COL4A5: variants seen among roughly 807,000 people sequenced by gnomAD.
The protein encoded by COL4A5 is collagen type IV alpha 5 chain.
In COL4A5, 26 loss-of-function variants were observed where a neutral mutation model predicts 130.2. The observed-to-expected ratio is 0.20, with a 90% CI of 0.15 to 0.28. COL4A5 has a LOEUF of 0.28. Among genes scored for constraint, COL4A5 ranks in the 10% least tolerant of loss-of-function variants. The pLI is 1.00. For synonymous variants in COL4A5, 496 were observed against 439.6 expected (o/e 1.13, Z -1.60); for missense variants, 1,131 against 1,344.3 (o/e 0.84, Z 2.48).
chrX:108,565,028 T>A (rs964559689), intron 4 of COL4A5, among the ~76,000 whole-genome samples: 2 of 111,507 alleles, frequency 1.8e-5, no homozygotes, highest in Non-Finnish European at 3.8e-5. Flanking sequence ...AAGCTCTTTA[T>A]AATAATAAAA....
At chrX:108,469,052 T>C (rs2064737606) in intron 1 of COL4A5, among the ~76,000 whole-genome samples, 2 of 111,130 alleles carry the variant, frequency 1.8e-5, no homozygotes, top group South Asian at 7.5e-4. Flanking sequence ...TTTCAGATTT[T>C]CTATTTTTTC....
intron 1 of COL4A5, among the ~76,000 whole-genome samples, chrX:108,531,850 A>G (rs2065389940): frequency 8.9e-6 from 1 of 112,079 alleles, no homozygotes; most frequent in Non-Finnish European, 1.9e-5. Flanking sequence ...AAATGGATAA[A>G]TTCCTGGAAA....
intron 24 of COL4A5, 100 bp downstream of exon 24, chrX:108,597,668 C>A (rs2066545222): frequency 1.3e-6 from 1 of 747,158 alleles, no homozygotes; most frequent in Admixed American, 2.6e-5. Flanking sequence ...GAGATAAACA[C>A]CCAATCAATG....
At chrX:108,555,561 A>G (rs2065813322) in intron 2 of COL4A5, among the ~76,000 whole-genome samples, 1 of 111,979 alleles carries the variant, frequency 8.9e-6, no homozygotes, top group African/African-American at 3.2e-5. Context: ...TATAATCTGA[A>G]GTAATTTTAA....
chrX:108,537,459 GTATT>G (rs1209115337), intron 1 of COL4A5, among the ~76,000 whole-genome samples: 1 of 111,554 alleles, frequency 9.0e-6, no homozygotes, highest in Non-Finnish European at 1.9e-5. Context: ...ACATGCGAGA[GTATT>G]TAAGGTTTTG....
intron 36 of COL4A5, among the ~76,000 whole-genome samples, chrX:108,641,561 G>A (rs1162298604): frequency 8.9e-6 from 1 of 112,146 alleles, no homozygotes; most frequent in Admixed American, 9.4e-5. Flanking sequence ...CCCAAATACT[G>A]TGAGTGCCCC....
chrX:108,672,065 G>A (rs2068218293), intron 42 of COL4A5, among the ~76,000 whole-genome samples: 1 of 112,076 alleles, frequency 8.9e-6, no homozygotes, highest in Non-Finnish European at 1.9e-5. Context: ...GGAGCAGACT[G>A]TTCGCTGCAT....
intron 46 of COL4A5, among the ~76,000 whole-genome samples, chrX:108,681,402 A>T (rs2068426046): frequency 9.1e-6 from 1 of 109,598 alleles, no homozygotes; most frequent in African/African-American, 3.3e-5. Flanking sequence ...GCAAGCAAAA[A>T]CTGCAAATGA....
At chrX:108,519,548 C>A (rs1230919526) in intron 1 of COL4A5, among the ~76,000 whole-genome samples, 1 of 110,984 alleles carries the variant, frequency 9.0e-6, no homozygotes, top group African/African-American at 3.3e-5. Flanking sequence ...CCCTCTTCCA[C>A]CATCTCCTCC....
chrX:108,677,418 A>T, intron 43 of COL4A5, 82 bp from the exon 44 acceptor site: 1 of 968,679 alleles, frequency 1.0e-6, no homozygotes, highest in Non-Finnish European at 1.4e-6. Context: ...TAATAGGAAG[A>T]TGACTGATAT....
chrX:108,475,183 TGA>T (rs1489874704), intron 1 of COL4A5, among the ~76,000 whole-genome samples: 2 of 111,635 alleles, frequency 1.8e-5, no homozygotes, highest in East Asian at 5.6e-4. Context: ...TGGATCGCTT[TGA>T]GTCTTTGTAT....
At chrX:108,653,121 A>C (rs1187083775) in intron 36 of COL4A5, among the ~76,000 whole-genome samples, 3 of 111,713 alleles carry the variant, frequency 2.7e-5, no homozygotes, top group African/African-American at 9.8e-5. Flanking sequence ...GGCTAGATAA[A>C]GCTTAAGCTA....
At chrX:108,627,285 T>A (rs182621073) in intron 36 of COL4A5, 5 of 634,713 alleles carry the variant, frequency 7.9e-6, no homozygotes, top group Admixed American at 9.2e-5. Flanking sequence ...AGAGTGAAAA[T>A]CTTCTTCATG....
intron 1 of COL4A5, among the ~76,000 whole-genome samples, chrX:108,483,199 G>A (rs1456111738): frequency 1.0e-5 from 1 of 99,771 alleles, no homozygotes; most frequent in African/African-American, 3.9e-5. Context: ...AGAACTAATA[G>A]GATATGTGTG....
intron 1 of COL4A5, among the ~76,000 whole-genome samples, chrX:108,499,800 ATGTG>A (rs1399810943): frequency 8.9e-6 from 1 of 111,916 alleles, no homozygotes; most frequent in Non-Finnish European, 1.9e-5. Flanking sequence ...GTCTGTGTGT[ATGTG>A]TGTATTTGTA....
chrX:108,554,258 C>T (rs1336844770), intron 2 of COL4A5, among the ~76,000 whole-genome samples: 3 of 111,778 alleles, frequency 2.7e-5, no homozygotes, highest in Non-Finnish European at 1.9e-5. Context: ...CTCACAGCTC[C>T]GCATGGCTGT....
At chrX:108,583,383 T>A (rs1008669383) in intron 17 of COL4A5, among the ~76,000 whole-genome samples, 3 of 111,706 alleles carry the variant, frequency 2.7e-5, no homozygotes, top group African/African-American at 9.8e-5. Flanking sequence ...TGTTGTTTTT[T>A]CCCCCCTACT....
At chrX:108,541,270 G>A (rs1247063853) in intron 2 of COL4A5, among the ~76,000 whole-genome samples, 1 of 111,808 alleles carries the variant, frequency 8.9e-6, no homozygotes, top group Non-Finnish European at 1.9e-5. Context: ...GCTTTCTGTA[G>A]TGGAGAAAAT....
In COL4A5 at chrX:108,521,294, T is replaced by A. The variant is rs1367548242; in HGVS notation, c.82-18452T>A. 2.7e-5 allele frequency among the ~76,000 whole-genome samples: 3 copies of A among 111,118 alleles called. No homozygotes were observed. In the South Asian group the frequency reaches 1.1e-3, roughly 42 times the overall value. On this transcript the variant is annotated intron_variant, in intron 1 of 52. Coordinates refer to ENST00000328300, the MANE Select transcript of COL4A5 (RefSeq NM_033380.3). ...GCGTTGGAGGAAAATTTTCCGTGGA[T>A]CTTTCATGTCTCTGTACATCCTGAG...
Sources: gnomAD v4.1 joint callset for allele counts (sites outside exome capture counted in the v4.1 genomes callset) on GRCh38, gnomAD v4.1.1 for gene constraint, MANE v1.5 for transcripts, NCBI Gene and HGNC (gene_info 2026-07-23, HGNC 2026-07-21) for gene names.